SYT14: variants seen among roughly 807,000 people sequenced by gnomAD.
The protein encoded by SYT14 is synaptotagmin 14, also known as synaptotagmin-14.
In SYT14, 32 loss-of-function variants were observed where a neutral mutation model predicts 74.2. That is an observed-to-expected ratio of 0.43 (90% confidence interval 0.33 to 0.58). The LOEUF (loss-of-function observed/expected upper bound fraction) is 0.58. Ranked by LOEUF, SYT14 falls within the 20% of genes least tolerant of loss-of-function variation. The probability of loss-of-function intolerance (pLI) is 0.05; values close to 1 mark genes in which losing one functional copy is unlikely to be tolerated. For synonymous variants in SYT14, 298 were observed against 337.7 expected (o/e 0.88, Z 1.29); for missense variants, 791 against 981.8 (o/e 0.81, Z 2.60).
chr1:209,942,866 T>A (rs1000170439), intron 1 of SYT14, among the ~76,000 whole-genome samples: 7 of 152,196 alleles, frequency 4.6e-5, no homozygotes, highest in African/African-American at 1.4e-4. Context: ...TAACATTTTT[T>A]AAAAATGTAG....
At chr1:209,946,629 A>G (rs1466887778) in intron 1 of SYT14, among the ~76,000 whole-genome samples, 1 of 152,244 alleles carries the variant, frequency 6.6e-6, no homozygotes, top group Non-Finnish European at 1.5e-5. Context: ...GAAAGAAGCT[A>G]TCTCCATAAC....
intron 7 of SYT14, among the ~76,000 whole-genome samples, chr1:210,130,169 G>A (rs910674626): frequency 1.3e-5 from 2 of 152,190 alleles, no homozygotes; most frequent in Non-Finnish European, 2.9e-5. Context: ...CGAATGGAAA[G>A]AAGTACTTAT....
intron 1 of SYT14, among the ~76,000 whole-genome samples, chr1:209,944,040 T>C (rs1429264604): frequency 1.3e-5 from 2 of 152,168 alleles, no homozygotes; most frequent in Admixed American, 1.3e-4. Flanking sequence ...TATTTTCACA[T>C]TTTTAGGACT....
intron 8 of SYT14, 160 bp from the exon 8 acceptor site, chr1:210,159,261 T>C: frequency 1.4e-6 from 1 of 734,102 alleles, no homozygotes; most frequent in Non-Finnish European, 2.4e-6. Flanking sequence ...CCAACATCCT[T>C]TTTGTTCAAT....
intron 6 of SYT14, among the ~76,000 whole-genome samples, chr1:210,097,372 T>C (rs2081985748): frequency 1.3e-5 from 2 of 152,148 alleles, no homozygotes; most frequent in South Asian, 4.1e-4. Flanking sequence ...GCTATCTAAA[T>C]AAAGATTTTT....
At chr1:210,091,665 A>G (rs779659330) in intron 5 of SYT14, among the ~76,000 whole-genome samples, 3 of 152,174 alleles carry the variant, frequency 2.0e-5, no homozygotes, top group Non-Finnish European at 2.9e-5. Flanking sequence ...GAACTGGATC[A>G]TGTTCATTTT....
In SYT14 at chr1:210,049,386, ATTCT is replaced by A. The variant is rs993191253; in HGVS notation, c.1312+28135_1312+28138del. Among the ~76,000 whole-genome samples, 75 of 135,402 alleles carry A rather than the reference ATTCT, an allele frequency of 5.5e-4. 1 individual carries two copies. Among genetic ancestry groups the A allele is most frequent in the Admixed American group, 1.5e-4 (2 of 13,460 alleles). The allele number at this position is 135,402 out of a possible 152,430, so 88.8% of individuals were successfully genotyped here. A position where few individuals can be genotyped will look rare whatever the true frequency, so the allele number is the denominator to read the frequency against. ...TCTAGGCGGAGGTTCTCAAACACCA[ATTCT>A]TTTTTTTTTTTTAATCTTTTATGTG... On this transcript the variant is annotated intron_variant, in intron 5 of 9. Transcript: ENST00000637265.
intron 7 of SYT14, among the ~76,000 whole-genome samples, chr1:210,148,366 G>A (rs893973627): frequency 6.6e-6 from 1 of 152,124 alleles, no homozygotes; most frequent in Non-Finnish European, 1.5e-5. Flanking sequence ...AAAATTAGCC[G>A]GGCGTGGTGG....
intron 5 of SYT14, among the ~76,000 whole-genome samples, chr1:210,052,568 C>G (rs1179840991): frequency 6.0e-5 from 9 of 148,896 alleles, no homozygotes; most frequent in Non-Finnish European, 8.9e-5. Context: ...GAGGCTGACG[C>G]AGGAGAATCA....
chr1:210,075,342 G>GTTT lies in SYT14; in HGVS notation c.1313-18965_1313-18963dup, dbSNP rs33985042. 4.2e-3 allele frequency among the ~76,000 whole-genome samples: 539 copies of GTTT among 127,656 alleles called. 19 individuals are homozygous for GTTT. The highest frequency in any genetic ancestry group is 9.7e-3 in the African/African-American group (323 of 33,460). 83.7% of individuals were successfully genotyped at this position (127,656 alleles called of 152,430 possible). On this transcript the variant is annotated intron_variant, in intron 5 of 9. Coordinates refer to ENST00000637265, the Ensembl canonical transcript of SYT14. ...CTGCCTGCTAGGGTCTCGAGGGTTTGTTTTTTTTTTTTTTTTTGAGACAGA... is the reference window on the plus strand; with the variant it reads ...CTGCCTGCTAGGGTCTCGAGGGTTTGTTTTTTTTTTTTTTTTTTTTGAGACAGA...
chr1:210,039,555 G>A lies in SYT14; in HGVS notation c.1312+18301G>A, dbSNP rs1481383755. On this transcript the variant is annotated intron_variant, in intron 5 of 9. Coordinates refer to ENST00000637265, the Ensembl canonical transcript of SYT14. ...AAAAGGGATCTAATTAAACTAGAGA[G>A]CTTCTTCACAGCAAAAGAAACTGTC... Among the ~76,000 whole-genome samples the A allele has an allele frequency of 2.0e-5, 3 of 152,156 alleles. No individual in the cohort carries two copies. In the East Asian group the frequency reaches 5.8e-4, roughly 29 times the overall value.
Position 209,986,611 on chromosome 1 carries a change from TC to T in SYT14, c.-485-27021del, listed in dbSNP as rs2079574431. Among the ~76,000 whole-genome samples the T allele has an allele frequency of 2.0e-5, 3 of 147,642 alleles. No homozygotes were observed. In the East Asian group the frequency reaches 7.4e-4, roughly 36 times the overall value. ...CTGGGTGATAGCATGAGACTCCGTC[TC>T]AAAAAAAAAAAAAATTTCTTCCGCC... On this transcript the variant is annotated intron_variant, in intron 2 of 9. Transcript: ENST00000637265.
chr1:210,052,665 C>CAAAAAAAAAAAAAAAAAAA lies in SYT14; in HGVS notation c.1312+31412_1312+31430dup, dbSNP rs561069342. On this transcript the variant is annotated intron_variant, in intron 5 of 9. Transcript: ENST00000637265. ...CAGCAAGAGCGAAACTACATCTCAC[C>CAAAAAAAAAAAAAAAAAAA]AAAAAAAAAAAAAAAAAAAGCTCTC... Among the ~76,000 whole-genome samples, 124 of 42,232 alleles carry CAAAAAAAAAAAAAAAAAAA rather than the reference C, an allele frequency of 2.9e-3. 8 individuals are homozygous for CAAAAAAAAAAAAAAAAAAA. Among genetic ancestry groups the CAAAAAAAAAAAAAAAAAAA allele is most frequent in the Non-Finnish European group, 4.0e-3 (95 of 23,604 alleles). 27.7% of individuals were successfully genotyped at this position (42,232 alleles called of 152,430 possible).
At chr1:210,051,581 T>G (rs182455420) in intron 5 of SYT14, among the ~76,000 whole-genome samples, 97 of 152,346 alleles carry the variant, frequency 6.4e-4, no homozygotes, top group African/African-American at 2.3e-3. Flanking sequence ...GTGTTTTGTT[T>G]TGAAAAAATA....
At chr1:210,135,803 G>A (rs571978321) in intron 7 of SYT14, among the ~76,000 whole-genome samples, 1 of 152,292 alleles carries the variant, frequency 6.6e-6, no homozygotes, top group African/African-American at 2.4e-5. Context: ...TAGAAAACTA[G>A]ACATTGTTTA....
At chr1:210,121,455 A>C (rs955866384) in intron 7 of SYT14, among the ~76,000 whole-genome samples, 2 of 152,214 alleles carry the variant, frequency 1.3e-5, no homozygotes, top group African/African-American at 2.4e-5. Flanking sequence ...GGAACTAAAT[A>C]TAATTCAAGC....
At chr1:210,032,158 C>A (rs1372203665) in intron 5 of SYT14, among the ~76,000 whole-genome samples, 1 of 151,862 alleles carries the variant, frequency 6.6e-6, no homozygotes, top group Non-Finnish European at 1.5e-5. Flanking sequence ...ACTGAAGATG[C>A]TAGATTAAGA....
At chr1:209,943,577 A>G (rs2078773478) in intron 1 of SYT14, among the ~76,000 whole-genome samples, 1 of 151,660 alleles carries the variant, frequency 6.6e-6, no homozygotes, top group Admixed American at 6.6e-5. Context: ...AAGCAGAGAG[A>G]ACCATATACT....
chr1:210,089,083 T>C (rs2081807745), intron 5 of SYT14, among the ~76,000 whole-genome samples: 1 of 152,086 alleles, frequency 6.6e-6, no homozygotes, highest in Non-Finnish European at 1.5e-5. Flanking sequence ...TCTGTGTCCA[T>C]GTGTTCTCAT....
Sources: gnomAD v4.1 joint callset for allele counts (sites outside exome capture counted in the v4.1 genomes callset) on GRCh38, gnomAD v4.1.1 for gene constraint, MANE v1.5 for transcripts, NCBI Gene and HGNC (gene_info 2026-07-23, HGNC 2026-07-21) for gene names.